The following FUBP1 variants were observed in gnomAD, a reference collection of about 807,000 sequenced individuals.
FUBP1 encodes far upstream element binding protein 1.
A neutral mutation model predicts 94.9 loss-of-function variants in FUBP1; 16 were observed. The observed-to-expected ratio is 0.17, with a 90% CI of 0.11 to 0.26. FUBP1 has a LOEUF of 0.26. Ranked by LOEUF, FUBP1 falls within the 10% of genes least tolerant of loss-of-function variation. The pLI is 1.00. For missense variants in FUBP1, 583 were observed against 808.6 expected (o/e 0.72, Z 3.38); for synonymous variants, 279 against 254.9 (o/e 1.09, Z -0.90).
intron 18 of FUBP1, 96 bp downstream of exon 18, chr1:77,955,159 A>G (rs776059089): frequency 1.5e-5 from 10 of 652,644 alleles, no homozygotes; most frequent in Non-Finnish European, 2.4e-5. Flanking sequence ...ATATGTTTAC[A>G]AGTCCAGTGA....
At chr1:77,965,450 T>C (rs375326028) in intron 7 of FUBP1, among the ~76,000 whole-genome samples, 118 of 152,268 alleles carry the variant, frequency 7.7e-4, no homozygotes, top group African/African-American at 2.7e-3. Context: ...AGATATACAA[T>C]TTTTATTTTT....
chr1:77,946,147 T>C lies in FUBP1; in HGVS notation c.*2619A>G, dbSNP rs1330196194. ...TTTTCTGTCCATCATATAAAACAGA[T>C]TGTGAAGGCTGTTGAAGTTTCTAAA... On this transcript the variant is annotated 3_prime_UTR_variant, in exon 20 of 20. Transcript: ENST00000370768. 6.6e-6 allele frequency among the ~76,000 whole-genome samples: 1 copy of C among 151,948 alleles called. No homozygotes were observed. The highest frequency in any genetic ancestry group is 1.5e-5 in the Non-Finnish European group (1 of 67,900).
At chr1:77,961,114 C>A (rs1397756722) in intron 14 of FUBP1, among the ~76,000 whole-genome samples, 1 of 152,000 alleles carries the variant, frequency 6.6e-6, no homozygotes, top group East Asian at 1.9e-4. Flanking sequence ...TTTTTAATTC[C>A]TTCAATAAAT....
At chr1:77,961,473 T>C (rs1473261554) in intron 14 of FUBP1, among the ~76,000 whole-genome samples, 2 of 152,230 alleles carry the variant, frequency 1.3e-5, no homozygotes, top group East Asian at 3.8e-4. Flanking sequence ...TTTAGGGTTA[T>C]GTGGCAGGCA....
In FUBP1 at chr1:77,944,156, A is replaced by ACCACAGTTGTAAAGTATTCAATTTACCT. The variant is rs1553243258; in HGVS notation, c.*4582_*4609dup. ...ACAATGTCATTAAAGCAAACTCTAA[A>ACCACAGTTGTAAAGTATTCAATTTACCT]CCACAGTTGTAAAGTATTCAATTTA... is the stretch of plus-strand genomic sequence containing the variant. On this transcript the variant is annotated 3_prime_UTR_variant, in exon 20 of 20. Coordinates refer to ENST00000370768, the MANE Select transcript of FUBP1 (RefSeq NM_003902.5). The ACCACAGTTGTAAAGTATTCAATTTACCT allele has an allele frequency of 1.0e-5, 2 of 195,340 alleles. No individual in the cohort carries two copies. The highest frequency in any genetic ancestry group is 4.6e-5 in the African/African-American group (2 of 43,154). 12.1% of individuals were successfully genotyped at this position (195,340 alleles called of 1,614,324 possible).
chr1:77,956,780 A>G, intron 16 of FUBP1, 80 bp from the exon 17 acceptor site: 1 of 1,013,724 alleles, frequency 9.9e-7, no homozygotes, highest in Non-Finnish European at 1.4e-6. Flanking sequence ...CCCCCCGCCC[A>G]GCTCTCTGGC....
chr1:77,976,600 TCTTGTG>T (rs1324410826), intron 1 of FUBP1, among the ~76,000 whole-genome samples: 1 of 152,138 alleles, frequency 6.6e-6, no homozygotes, highest in Non-Finnish European at 1.5e-5. Context: ...TTGAAGCGGT[TCTTGTG>T]CCTCAGCCTC....
chr1:77,970,017 TAA>T lies in FUBP1; in HGVS notation c.121-4_121-3del, dbSNP rs202224025. 3,341 of 1,242,952 alleles carry T rather than the reference TAA, an allele frequency of 2.7e-3. No homozygotes were observed. The highest frequency in any genetic ancestry group is 4.1e-3 in the South Asian group (288 of 69,756). 77.0% of individuals were successfully genotyped at this position (1,242,952 alleles called of 1,614,324 possible). A position where few individuals can be genotyped will look rare whatever the true frequency, so the allele number is the denominator to read the frequency against. On this transcript the variant is annotated splice_polypyrimidine_tract_variant and splice_region_variant and intron_variant, in intron 1 of 19. Transcript: ENST00000370768. ...ATCACCTCCAATTTTTGCTGCAATC[TAA>T]AAAAAAAAAAGAAAAATACCATCAT...
intron 2 of FUBP1, chr1:77,968,922 C>T (rs148571319): frequency 2.9e-4 from 121 of 417,756 alleles, no homozygotes; most frequent in Admixed American, 1.3e-3. Flanking sequence ...ATAAAATATG[C>T]GCAGACACAT....
chr1:77,959,296 G>A (rs542223769), intron 16 of FUBP1, among the ~76,000 whole-genome samples: 1 of 152,174 alleles, frequency 6.6e-6, no homozygotes, highest in South Asian at 2.1e-4. Flanking sequence ...AAGATGGAAA[G>A]CAAACTACAG....
intron 13 of FUBP1, 83 bp downstream of exon 13, chr1:77,963,491 T>C (rs890165490): frequency 2.2e-5 from 16 of 715,784 alleles, no homozygotes; most frequent in Non-Finnish European, 3.0e-5. Context: ...AGAAAAAGCA[T>C]TGCCACTTGT....
rs1652675138 is a variant in FUBP1, at chr1:77,948,609, A to G, written c.*157T>C. The G allele has an allele frequency of 8.3e-7, 1 of 1,200,920 alleles. No homozygotes were observed. The highest frequency in any genetic ancestry group is 1.1e-6 in the Non-Finnish European group (1 of 896,686). The allele number at this position is 1,200,920 out of a possible 1,614,324, so 74.4% of individuals were successfully genotyped here. Reference sequence around the variant, plus strand: ...ATTAACCTCCTATCAGTAGTGATAGATATTTTGTACATTTTCAAAAAAAAA... The same window carrying G: ...ATTAACCTCCTATCAGTAGTGATAGGTATTTTGTACATTTTCAAAAAAAAA... On this transcript the variant is annotated 3_prime_UTR_variant, in exon 20 of 20. Coordinates refer to ENST00000370768, the MANE Select transcript of FUBP1 (RefSeq NM_003902.5).
chr1:77,969,849 A>G (rs1657188458), intron 2 of FUBP1, 76 bp downstream of exon 2: 3 of 660,966 alleles, frequency 4.5e-6, no homozygotes, highest in Non-Finnish European at 5.2e-6. Flanking sequence ...TCTCAATAAA[A>G]TAACAGAAAA....
chr1:77,948,946 A>G, intron 19 of FUBP1, 172 bp from the exon 20 acceptor site: 1 of 1,037,132 alleles, frequency 9.6e-7, no homozygotes, highest in African/African-American at 1.6e-5. Context: ...TTAAAATCAA[A>G]GGCATTGCAG....
intron 14 of FUBP1, 71 bp from the exon 15 acceptor site, chr1:77,960,566 A>C (rs1655268128): frequency 1.6e-6 from 2 of 1,240,874 alleles, no homozygotes; most frequent in Admixed American, 2.7e-5. Flanking sequence ...ACGGCCAAAT[A>C]ATCATCCATT....
rs149973677 is a variant in FUBP1, at chr1:77,960,206, C to T, written c.1554G>A (p.Gln518=). Residue 518 remains glutamine (Q), a synonymous_variant, in exon 16 of 20, where the codon CAG becomes CAA. Coordinates refer to ENST00000370768, the MANE Select transcript of FUBP1 (RefSeq NM_003902.5). ...TACCTGGATCAGGAGGAGCCTGCTG[C>T]TGCCAGTGTGGATATGCATTTCCCC... ...QGWGNAYPHW[Q]QQAPPDPAKA... 30 of 1,611,668 alleles carry T rather than the reference C, an allele frequency of 1.9e-5. No individual in the cohort carries two copies. In the African/African-American group the frequency reaches 3.9e-4, roughly 21 times the overall value.
chr1:77,976,058 G>C (rs1053765482), intron 1 of FUBP1, among the ~76,000 whole-genome samples: 3 of 152,196 alleles, frequency 2.0e-5, no homozygotes, highest in Non-Finnish European at 4.4e-5. Flanking sequence ...GAAGCTCCTT[G>C]AGAGCAGGAA....
At chr1:77,972,539 A>C (rs1657761417) in intron 1 of FUBP1, among the ~76,000 whole-genome samples, 1 of 151,256 alleles carries the variant, frequency 6.6e-6, no homozygotes, top group Non-Finnish European at 1.5e-5. Context: ...TCATGAGTTC[A>C]GGAGTTCAAG....
chr1:77,962,204 T>A (rs1198539217), intron 14 of FUBP1, among the ~76,000 whole-genome samples: 1 of 152,164 alleles, frequency 6.6e-6, no homozygotes, highest in Non-Finnish European at 1.5e-5. Flanking sequence ...TGCACCAGAA[T>A]CACCCAAACA....
Sources: gnomAD v4.1 joint callset for allele counts (sites outside exome capture counted in the v4.1 genomes callset) on GRCh38, gnomAD v4.1.1 for gene constraint, MANE v1.5 for transcripts, NCBI Gene and HGNC (gene_info 2026-07-23, HGNC 2026-07-21) for gene names.